The following TTC7A variants were observed in gnomAD, a reference collection of about 807,000 sequenced individuals.
The protein encoded by TTC7A is tetratricopeptide repeat protein 7A.
A neutral mutation model predicts 103.7 loss-of-function variants in TTC7A; 110 were observed. The observed-to-expected ratio is 1.06, with a 90% CI of 0.91 to 1.24. The LOEUF (loss-of-function observed/expected upper bound fraction) is 1.24, where lower values mean the gene tolerates loss of function less well. Among genes scored for constraint, TTC7A ranks in the 50% most tolerant of loss-of-function variants. TTC7A has a pLI of 0.00. For synonymous variants in TTC7A, 521 were observed against 467.9 expected, an observed-to-expected ratio of 1.11 and a Z score of -1.47; for missense variants, 1,340 against 1,116.3, an observed-to-expected ratio of 1.20 and a Z score of -2.86.
intron 3 of TTC7A, among the ~76,000 whole-genome samples, chr2:46,973,103 C>T (rs999646148): frequency 6.6e-6 from 1 of 152,142 alleles, no homozygotes; most frequent in Non-Finnish European, 1.5e-5. Flanking sequence ...AAATGCACCC[C>T]GAGGGGCTCT....
intron 11 of TTC7A, among the ~76,000 whole-genome samples, chr2:47,017,777 T>C (rs1226915623): frequency 6.6e-6 from 1 of 152,140 alleles, no homozygotes; most frequent in Non-Finnish European, 1.5e-5. Context: ...TAATGTCTAC[T>C]CTCTGGATTC....
At chr2:46,924,449 A>G (rs771478014) in intron 2 of TTC7A, among the ~76,000 whole-genome samples, 2 of 152,124 alleles carry the variant, frequency 1.3e-5, no homozygotes, top group Non-Finnish European at 2.9e-5. Flanking sequence ...ATATAATCAT[A>G]TTTGTGAAGA....
At chr2:46,928,459 T>TAAA (rs35897582) in intron 2 of TTC7A, among the ~76,000 whole-genome samples, 4 of 81,986 alleles carry the variant, frequency 4.9e-5, no homozygotes, top group Admixed American at 1.4e-4. Flanking sequence ...AAAGGGAAAT[T>TAAA]AAAAAAAAAA....
intron 3 of TTC7A, among the ~76,000 whole-genome samples, chr2:46,968,806 G>C (rs968607709): frequency 6.6e-6 from 1 of 152,014 alleles, no homozygotes; most frequent in African/African-American, 2.4e-5. Flanking sequence ...TCATGAATTA[G>C]GCCAGTGTAA....
chr2:46,936,050 C>T (rs957450364), intron 2 of TTC7A, among the ~76,000 whole-genome samples: 3 of 152,098 alleles, frequency 2.0e-5, no homozygotes, highest in African/African-American at 7.2e-5. Flanking sequence ...ATGATTGCAC[C>T]ATAGCACTCC....
At chr2:46,999,466 A>G in intron 8 of TTC7A, 1 of 985,200 alleles carries the variant, frequency 1.0e-6, no homozygotes. Flanking sequence ...CCCACCATGT[A>G]TCCATCTAAT....
chr2:46,982,611 C>T (rs1164623282), intron 5 of TTC7A, among the ~76,000 whole-genome samples: 1 of 152,178 alleles, frequency 6.6e-6, no homozygotes, highest in Non-Finnish European at 1.5e-5. Flanking sequence ...CCTGCCTTCT[C>T]ATAGCATTGT....
chr2:46,957,460 G>C (rs1166649255), intron 3 of TTC7A, among the ~76,000 whole-genome samples: 1 of 152,230 alleles, frequency 6.6e-6, no homozygotes, highest in African/African-American at 2.4e-5. Context: ...GCTGGATGCT[G>C]TAGGAGTCTG....
At chr2:47,051,053 G>T (rs555711613) in intron 17 of TTC7A, among the ~76,000 whole-genome samples, 25 of 152,318 alleles carry the variant, frequency 1.6e-4, no homozygotes, top group South Asian at 6.2e-4. Context: ...ACTGAGAGAG[G>T]TTTTCCAGAG....
chr2:47,027,895 G>A (rs966724588), intron 14 of TTC7A, among the ~76,000 whole-genome samples: 3 of 152,200 alleles, frequency 2.0e-5, no homozygotes, highest in African/African-American at 7.2e-5. Context: ...GAGAGTTTAT[G>A]TTGGTAACTG....
At chr2:46,975,164 T>G in intron 4 of TTC7A, 61 bp downstream of exon 4, 1 of 1,600,876 alleles carries the variant, frequency 6.2e-7, no homozygotes, top group Non-Finnish European at 8.5e-7. Context: ...TGTCTATGGA[T>G]CCCACTAAAC....
At chr2:46,969,207 TA>T (rs56273451) in intron 3 of TTC7A, among the ~76,000 whole-genome samples, 1 of 149,422 alleles carries the variant, frequency 6.7e-6, no homozygotes, top group African/African-American at 2.4e-5. Context: ...GAGTTTGTTT[TA>T]AAAAAAAAAT....
chr2:46,945,161 C>G (rs1044286457), intron 1 of TTC7A, among the ~76,000 whole-genome samples: 33 of 151,914 alleles, frequency 2.2e-4, no homozygotes, highest in African/African-American at 7.7e-4. Flanking sequence ...GAGACAAGGT[C>G]TTACTCTCAT....
At chr2:47,001,481 G>C (rs979074754) in intron 8 of TTC7A, among the ~76,000 whole-genome samples, 20 of 152,150 alleles carry the variant, frequency 1.3e-4, no homozygotes, top group African/African-American at 4.3e-4. Context: ...TGCAGAGGGT[G>C]GGGGGTGGTC....
intron 2 of TTC7A, among the ~76,000 whole-genome samples, chr2:46,928,845 G>C (rs71423929): frequency 1.2e-4 from 18 of 152,196 alleles, no homozygotes; most frequent in East Asian, 3.9e-4. Flanking sequence ...AGAGGGGTAG[G>C]GGGGGAAGCT....
At chr2:47,012,126 C>T (rs1318069426) in intron 11 of TTC7A, among the ~76,000 whole-genome samples, 1 of 152,232 alleles carries the variant, frequency 6.6e-6, no homozygotes, top group Non-Finnish European at 1.5e-5. Context: ...TGCTGTAGTC[C>T]TCCTGCCCTG....
chr2:46,944,374 G>GTTTTTTTGTTTTTTT (rs1670735530), intron 1 of TTC7A, among the ~76,000 whole-genome samples: 1 of 88,944 alleles, frequency 1.1e-5, no homozygotes, highest in African/African-American at 4.5e-5. Flanking sequence ...GGTATTTTGG[G>GTTTTTTTGTTTTTTT]TTTTTTTTTT....
chr2:46,946,645 C>T (rs1273081149), intron 1 of TTC7A, among the ~76,000 whole-genome samples: 1 of 152,122 alleles, frequency 6.6e-6, no homozygotes, highest in Non-Finnish European at 1.5e-5. Flanking sequence ...TGGTCTCTAA[C>T]TCCTGGTCTC....
chr2:46,937,763 T>C (rs1254152099), upstream of TTC7A, among the ~76,000 whole-genome samples: 20 of 152,194 alleles, frequency 1.3e-4, no homozygotes, highest in Admixed American at 1.3e-3. This position sits in a 1 kb window ranked among gnomAD's most constrained non-coding sequence, Gnocchi z 4.0. Flanking sequence ...AGGCCATGGA[T>C]TGCATAGGAA....
Sources: gnomAD v4.1 joint callset for allele counts (sites outside exome capture counted in the v4.1 genomes callset) on GRCh38, gnomAD v4.1.1 for gene constraint, Gnocchi (gnomAD v3.1) non-coding constraint, MANE v1.5 for transcripts, NCBI Gene and HGNC (gene_info 2026-07-23, HGNC 2026-07-21) for gene names.